The following TRAPPC12 variants were observed in gnomAD, a reference collection of about 807,000 sequenced individuals.
TRAPPC12 encodes the protein TPR repeat protein 15.
A neutral mutation model predicts 69.2 loss-of-function variants in TRAPPC12; 61 were observed. That is an observed-to-expected ratio of 0.88 (90% CI 0.72 to 1.09). The LOEUF (loss-of-function observed/expected upper bound fraction) is 1.09. Ranked by LOEUF, TRAPPC12 falls within the 50% of genes least tolerant of loss-of-function variation. The probability of loss-of-function intolerance (pLI) is 0.00; values close to 1 mark genes in which losing one functional copy is unlikely to be tolerated. For missense variants in TRAPPC12, 1,101 were observed against 1,016.4 expected, an observed-to-expected ratio of 1.08 and a Z score of -1.13; for synonymous variants, 469 against 438.9, an observed-to-expected ratio of 1.07 and a Z score of -0.86.
chr2:3,471,412 G>C, intron 9 of TRAPPC12, among the ~76,000 whole-genome samples: 1 of 152,144 alleles, frequency 6.6e-6, no homozygotes, highest in Admixed American at 6.5e-5. Flanking sequence ...CCTGCCAACT[G>C]TCAGCGCACC....
chr2:3,439,666 G>C (rs917691794), intron 5 of TRAPPC12, among the ~76,000 whole-genome samples: 1 of 152,248 alleles, frequency 6.6e-6, no homozygotes, highest in East Asian at 1.9e-4. Flanking sequence ...TACTACGTTG[G>C]ACAGAGCATA....
chr2:3,457,765 C>G, intron 7 of TRAPPC12, 72 bp downstream of exon 7: 19 of 1,573,616 alleles, frequency 1.2e-5, no homozygotes, highest in Non-Finnish European at 1.6e-5. Flanking sequence ...AAGCCTCTCG[C>G]TTCCTCTCCT....
In TRAPPC12 at chr2:3,443,483, G is replaced by A. The variant is rs142849687; in HGVS notation, c.1418-296G>A. 9.2e-5 allele frequency among the ~76,000 whole-genome samples: 14 copies of A among 152,258 alleles called. No individual in the cohort carries two copies. In the East Asian group the frequency reaches 2.1e-3, roughly 23 times the overall value. On this transcript the variant is annotated intron_variant, in intron 5 of 11. Coordinates refer to ENST00000324266, the MANE Select transcript of TRAPPC12 (RefSeq NM_016030.6). ...TTCTTTTATTGGAGGAGGGGTTGGC[G>A]GTCTCTACTGTTTCATTCATTTTGG...
chr2:3,462,471 T>G (rs961818421), intron 8 of TRAPPC12, among the ~76,000 whole-genome samples: 4 of 151,966 alleles, frequency 2.6e-5, no homozygotes, highest in Admixed American at 2.6e-4. Flanking sequence ...GTGATCTTAA[T>G]AATATGGGGT....
At chr2:3,466,496 G>A (rs1665817036) in intron 9 of TRAPPC12, 5 of 424,868 alleles carry the variant, frequency 1.2e-5, no homozygotes, top group South Asian at 8.7e-5. Context: ...CCAGCTACAG[G>A]AGGCCACATA....
chr2:3,445,099 G>A (rs1664438039), intron 6 of TRAPPC12, among the ~76,000 whole-genome samples: 1 of 152,202 alleles, frequency 6.6e-6, no homozygotes, highest in Non-Finnish European at 1.5e-5. Context: ...AATCTTTATA[G>A]TATTTGAGAG....
intron 3 of TRAPPC12, among the ~76,000 whole-genome samples, chr2:3,403,002 C>A (rs767478361): frequency 1.3e-5 from 2 of 152,116 alleles, no homozygotes; most frequent in Non-Finnish European, 2.9e-5. Flanking sequence ...TAAGTCCCAC[C>A]GGCTGTCTGA....
chr2:3,443,532 G>A (rs1664336470), intron 5 of TRAPPC12, among the ~76,000 whole-genome samples: 1 of 152,242 alleles, frequency 6.6e-6, no homozygotes, highest in African/African-American at 2.4e-5. Flanking sequence ...TGATTGCAGT[G>A]TAGCTTTGGA....
chr2:3,439,701 A>C (rs1310655906), intron 5 of TRAPPC12, among the ~76,000 whole-genome samples: 2 of 152,146 alleles, frequency 1.3e-5, no homozygotes, highest in Admixed American at 1.3e-4. Flanking sequence ...ATGAAGTCCA[A>C]CTTACTGATT....
At chr2:3,453,094 T>C (rs1213678850) in intron 6 of TRAPPC12, among the ~76,000 whole-genome samples, 1 of 152,240 alleles carries the variant, frequency 6.6e-6, no homozygotes, top group African/African-American at 2.4e-5. Flanking sequence ...TGCGGCACTT[T>C]GCTCTGTGTG....
intron 1 of TRAPPC12, among the ~76,000 whole-genome samples, chr2:3,387,373 G>C (rs1368890756): frequency 6.6e-6 from 1 of 152,156 alleles, no homozygotes; most frequent in Non-Finnish European, 1.5e-5. Flanking sequence ...GTTTAATGGG[G>C]ATGGAATTTT....
chr2:3,452,253 C>CAGCAT (rs1305208776), intron 6 of TRAPPC12, among the ~76,000 whole-genome samples: 1 of 152,204 alleles, frequency 6.6e-6, no homozygotes, highest in African/African-American at 2.4e-5. Context: ...GTGCGTCTCA[C>CAGCAT]AGCATAGCAG....
chr2:3,457,969 A>T, intron 7 of TRAPPC12: 1 of 1,308,330 alleles, frequency 7.6e-7, no homozygotes, highest in Non-Finnish European at 9.7e-7. Context: ...TGCCACGCTG[A>T]GTGGTCTGAG....
At chr2:3,418,090 T>C (rs1328257679) in intron 3 of TRAPPC12, among the ~76,000 whole-genome samples, 1 of 123,046 alleles carries the variant, frequency 8.1e-6, no homozygotes, top group Non-Finnish European at 1.8e-5. Context: ...CAGTGGCTAA[T>C]GCCTGTAATC....
intron 5 of TRAPPC12, among the ~76,000 whole-genome samples, chr2:3,440,956 A>G (rs1342200141): frequency 6.6e-6 from 1 of 152,168 alleles, no homozygotes; most frequent in African/African-American, 2.4e-5. Flanking sequence ...GATTATGTTA[A>G]TTGATTTTGG....
chr2:3,413,798 G>A (rs973071610), intron 3 of TRAPPC12, among the ~76,000 whole-genome samples: 12 of 152,184 alleles, frequency 7.9e-5, no homozygotes, highest in African/African-American at 2.7e-4. Flanking sequence ...CAGCTAACCT[G>A]CCTGACAGTA....
intron 3 of TRAPPC12, among the ~76,000 whole-genome samples, chr2:3,408,957 GC>G (rs1259980107): frequency 6.6e-6 from 1 of 152,180 alleles, no homozygotes; most frequent in African/African-American, 2.4e-5. Flanking sequence ...GCCCTGCGCG[GC>G]CCGCTGCGGC....
intron 2 of TRAPPC12, among the ~76,000 whole-genome samples, chr2:3,399,671 G>A (rs1003568620): frequency 6.6e-6 from 1 of 152,176 alleles, no homozygotes; most frequent in African/African-American, 2.4e-5. Flanking sequence ...AGCAATGTCA[G>A]CAGCTTTTCT....
intron 3 of TRAPPC12, among the ~76,000 whole-genome samples, chr2:3,406,523 A>G (rs866741189): frequency 1.3e-5 from 2 of 152,332 alleles, no homozygotes; most frequent in Middle Eastern, 3.4e-3. Flanking sequence ...AATTATTTCT[A>G]TGATTAGAAA....
Sources: allele counts gnomAD v4.1 joint callset (sites outside exome capture counted in the v4.1 genomes callset), GRCh38; gene constraint gnomAD v4.1.1; transcripts MANE v1.5; gene names NCBI Gene and HGNC (gene_info 2026-07-23, HGNC 2026-07-21).